Variants in CABLES1 observed in about 807,000 individuals in gnomAD.
CABLES1 encodes CDK5 and ABL1 enzyme substrate 1.
In CABLES1, 36 loss-of-function variants were observed where a neutral mutation model predicts 57.8. The ratio of observed to expected loss-of-function variants is 0.62; its 90% CI spans 0.48 to 0.82. CABLES1 has a LOEUF of 0.82. Among genes scored for constraint, CABLES1 ranks in the 40% least tolerant of loss-of-function variants. The probability of loss-of-function intolerance (pLI) is 0.00; values close to 1 mark genes in which losing one functional copy is unlikely to be tolerated. For missense variants in CABLES1, 767 were observed against 836.6 expected, an observed-to-expected ratio of 0.92 and a Z score of 1.03; for synonymous variants, 374 against 363.0, an observed-to-expected ratio of 1.03 and a Z score of -0.35.
In CABLES1 at chr18:23,235,943, C is replaced by T. The variant is rs370732463; in HGVS notation, c.1234C>T (p.Arg412Trp). The T allele has an allele frequency of 1.8e-5, 29 of 1,614,016 alleles. No homozygotes were observed. Among genetic ancestry groups the T allele is most frequent in the Admixed American group, 5.0e-5 (3 of 60,006 alleles). Residue 412 changes from arginine (R) to tryptophan (W), a missense_variant, in exon 6 of 10, where the codon CGG (arginine) becomes TGG (tryptophan). Physicochemically the swap from Arg to Trp is moderately radical, Grantham distance 101. This residue lies in a region of CABLES1 where 529 missense variants were observed against 622.8 expected (regional missense o/e 0.85). Coordinates refer to ENST00000256925, the MANE Select transcript of CABLES1 (RefSeq NM_001100619.3). Reference sequence around the variant, plus strand: ...GTTACCCACAAATGCCTTTGGAGCCCGGAGAAATACCATAGACTCCACCTC... The same window carrying T: ...GTTACCCACAAATGCCTTTGGAGCCTGGAGAAATACCATAGACTCCACCTC... Reference protein sequence around the residue: ...FLLPTNAFGARRNTIDSTSSF... With the variant: ...FLLPTNAFGAWRNTIDSTSSF...
chr18:23,257,118 G>A (rs2048187261), intron 9 of CABLES1, 109 bp from the exon 10 acceptor site: 2 of 1,253,832 alleles, frequency 1.6e-6, no homozygotes, highest in South Asian at 1.3e-5. Context: ...TGCCCAAAGT[G>A]GATTTCTCCT....
chr18:23,243,495 TTTTG>T (rs1159687627), intron 7 of CABLES1, among the ~76,000 whole-genome samples: 1 of 151,074 alleles, frequency 6.6e-6, no homozygotes, highest in Non-Finnish European at 1.5e-5. Context: ...TTTTTGGTCT[TTTTG>T]TTGTTGTTAA....
chr18:23,172,234 C>T (rs779332802), intron 1 of CABLES1, among the ~76,000 whole-genome samples: 5 of 152,214 alleles, frequency 3.3e-5, no homozygotes, highest in Non-Finnish European at 7.3e-5. Flanking sequence ...GACATCTTAA[C>T]ACGGTAGAGA....
chr18:23,247,183 T>C (rs1296264818), intron 7 of CABLES1, among the ~76,000 whole-genome samples: 1 of 152,214 alleles, frequency 6.6e-6, no homozygotes, highest in Non-Finnish European at 1.5e-5. Context: ...TCTCTTGGCA[T>C]GGTTGGGAGG....
chr18:23,252,263 A>AGAT (rs1383075307), intron 7 of CABLES1, among the ~76,000 whole-genome samples: 2 of 152,206 alleles, frequency 1.3e-5, no homozygotes, highest in African/African-American at 4.8e-5. Flanking sequence ...TCAATTGGGA[A>AGAT]GATGAAAAGA....
At chr18:23,174,620 C>T (rs1179617763) in intron 1 of CABLES1, among the ~76,000 whole-genome samples, 3 of 151,600 alleles carry the variant, frequency 2.0e-5, no homozygotes, top group Non-Finnish European at 2.9e-5. Context: ...TACAGGCACC[C>T]ACCACCACAC....
intron 3 of CABLES1, among the ~76,000 whole-genome samples, chr18:23,203,632 T>G (rs936545589): frequency 6.6e-6 from 1 of 152,190 alleles, no homozygotes; most frequent in African/African-American, 2.4e-5. Flanking sequence ...AGACCTTGTT[T>G]GTGATCTCAT....
chr18:23,171,424 A>G (rs1262202119), intron 1 of CABLES1, among the ~76,000 whole-genome samples: 1 of 152,202 alleles, frequency 6.6e-6, no homozygotes, highest in Non-Finnish European at 1.5e-5. Context: ...TCCCAGAGTG[A>G]TGGAGGATAA....
chr18:23,144,634 T>A (rs1212547030), intron 1 of CABLES1, among the ~76,000 whole-genome samples: 1 of 152,154 alleles, frequency 6.6e-6, no homozygotes, highest in Admixed American at 6.5e-5. Flanking sequence ...TGAGGCTGGA[T>A]GGTTAAGGAA....
chr18:23,247,219 G>C (rs527654995), intron 7 of CABLES1, among the ~76,000 whole-genome samples: 1 of 152,212 alleles, frequency 6.6e-6, no homozygotes, highest in African/African-American at 2.4e-5. Flanking sequence ...CCACCATCAG[G>C]CTCCCTCAAG....
chr18:23,229,617 C>G (rs2047552997), intron 4 of CABLES1, among the ~76,000 whole-genome samples: 1 of 152,174 alleles, frequency 6.6e-6, no homozygotes, highest in Non-Finnish European at 1.5e-5. Context: ...TTTAATATAC[C>G]ATTTTAATGA....
At chr18:23,242,293 TG>T (rs1006190160) in intron 7 of CABLES1, among the ~76,000 whole-genome samples, 14 of 152,078 alleles carry the variant, frequency 9.2e-5, no homozygotes, top group African/African-American at 3.4e-4. Flanking sequence ...AAAAAATTCC[TG>T]GGGCAGGTGT....
intron 1 of CABLES1, among the ~76,000 whole-genome samples, chr18:23,155,075 A>G (rs192536463): frequency 1.6e-4 from 25 of 152,188 alleles, no homozygotes; most frequent in Admixed American, 1.6e-3. Context: ...TCAATCCAGT[A>G]CTCTGTGAGC....
chr18:23,253,791 C>T lies in CABLES1; in HGVS notation c.1616C>T (p.Ala539Val). 6.2e-7 allele frequency: 1 copy of T among 1,614,204 alleles called. No homozygotes were observed. The highest frequency in any genetic ancestry group is 8.5e-7 in the Non-Finnish European group (1 of 1,180,042). The change falls in exon 9 of 10, where the codon GCC becomes GTC. Residue 539 changes from alanine (A) to valine (V), a missense_variant. By Grantham distance (64) the Ala-to-Val change is moderately conservative. Coordinates refer to ENST00000256925, the MANE Select transcript of CABLES1 (RefSeq NM_001100619.3). Reference protein sequence around the residue: ...EDCGLEEPTVAMAFVYFEKLA... With the variant: ...EDCGLEEPTVVMAFVYFEKLA... ...TGTGGCCTTGAGGAGCCCACGGTGG[C>T]CATGGCCTTCGTCTACTTTGAAAAG...
intron 1 of CABLES1, among the ~76,000 whole-genome samples, chr18:23,143,712 G>A (rs1361382806): frequency 6.6e-6 from 1 of 152,074 alleles, no homozygotes; most frequent in Non-Finnish European, 1.5e-5. Context: ...CCCAGGAAGT[G>A]TGCAGGTCCC....
intron 3 of CABLES1, among the ~76,000 whole-genome samples, chr18:23,206,484 A>G (rs930464134): frequency 2.6e-5 from 4 of 152,260 alleles, no homozygotes; most frequent in Non-Finnish European, 4.4e-5. Context: ...GTGATGGTCC[A>G]TTCTGCAGCT....
At chr18:23,159,722 G>A (rs375409526) in intron 1 of CABLES1, among the ~76,000 whole-genome samples, 2 of 152,138 alleles carry the variant, frequency 1.3e-5, no homozygotes, top group African/African-American at 2.4e-5. Flanking sequence ...TAACACACAC[G>A]CACAGACAAA....
chr18:23,155,910 C>G, intron 1 of CABLES1: 1 of 1,614,116 alleles, frequency 6.2e-7, no homozygotes, highest in Non-Finnish European at 8.5e-7. Context: ...TGAATGCTTT[C>G]TAAGAGGGGC....
At chr18:23,165,499 T>C (rs551350055) in intron 1 of CABLES1, among the ~76,000 whole-genome samples, 1 of 152,164 alleles carries the variant, frequency 6.6e-6, no homozygotes, top group African/African-American at 2.4e-5. Context: ...ACTGAAACTC[T>C]GTGCGGGTTA....
Sources: gnomAD v4.1 joint callset for allele counts (sites outside exome capture counted in the v4.1 genomes callset) on GRCh38, gnomAD v4.1.1 for gene constraint, gnomAD v4.1.1 regional missense constraint, MANE v1.5 for transcripts, NCBI Gene and HGNC (gene_info 2026-07-23, HGNC 2026-07-21) for gene names.